Variants in KALRN observed in about 807,000 individuals in gnomAD.
The protein encoded by KALRN is kalirin.
KALRN carries 70 observed loss-of-function variants against 353.7 expected under a neutral mutation model. The ratio of observed to expected loss-of-function variants is 0.20; its 90% CI spans 0.16 to 0.24. The LOEUF is 0.24. Among genes scored for constraint, KALRN ranks in the 10% least tolerant of loss-of-function variants. The probability of loss-of-function intolerance (pLI) is 1.00; values close to 1 mark genes in which losing one functional copy is unlikely to be tolerated. For synonymous variants in KALRN, 1,391 were observed against 1,434.8 expected (o/e 0.97, Z 0.69); for missense variants, 2,791 against 3,756.7 (o/e 0.74, Z 6.72).
intron 33 of KALRN, among the ~76,000 whole-genome samples, chr3:124,504,353 G>C (rs958270266): frequency 3.3e-5 from 5 of 152,196 alleles, no homozygotes; most frequent in African/African-American, 1.2e-4. Flanking sequence ...GCAGACCTAA[G>C]ATTCAAAACC....
chr3:124,114,604 C>T (rs1397781053), intron 1 of KALRN, among the ~76,000 whole-genome samples: 1 of 152,210 alleles, frequency 6.6e-6, no homozygotes, highest in Admixed American at 6.5e-5. Flanking sequence ...GGTGTCCTCA[C>T]AGAGGGCACC....
chr3:124,038,637 G>A (rs533570376), intron 1 of KALRN, among the ~76,000 whole-genome samples: 31 of 152,194 alleles, frequency 2.0e-4, no homozygotes, highest in Non-Finnish European at 4.1e-4. Flanking sequence ...AATGAAAAGA[G>A]TGATGTGGAG....
At chr3:124,687,675 T>TTTTTTTTTTTTTTTTTTTTTTTTTGAG (rs1553732285) in intron 51 of KALRN, among the ~76,000 whole-genome samples, 1 of 151,294 alleles carries the variant, frequency 6.6e-6, no homozygotes. Flanking sequence ...GGAATTTTTT[T>TTTTTTTTTTTTTTTTTTTTTTTTTGAG]ACAAAAATTG....
At chr3:124,668,390 G>A (rs1409810369) in intron 47 of KALRN, among the ~76,000 whole-genome samples, 1 of 152,206 alleles carries the variant, frequency 6.6e-6, no homozygotes, top group Non-Finnish European at 1.5e-5. Context: ...GGCTGGTTTT[G>A]TGAAAAAGGG....
intron 34 of KALRN, among the ~76,000 whole-genome samples, chr3:124,607,538 T>G (rs915449083): frequency 6.6e-6 from 1 of 152,232 alleles, no homozygotes; most frequent in Admixed American, 6.5e-5. Context: ...GACATACTTT[T>G]TAAAGTAATA....
chr3:124,328,657 G>C (rs1196446450), intron 7 of KALRN, among the ~76,000 whole-genome samples: 1 of 152,202 alleles, frequency 6.6e-6, no homozygotes, highest in African/African-American at 2.4e-5. Context: ...AAAATGTACA[G>C]AATGAAGTCA....
chr3:124,218,778 T>C (rs1192896881), intron 1 of KALRN, among the ~76,000 whole-genome samples: 1 of 152,202 alleles, frequency 6.6e-6, no homozygotes, highest in Non-Finnish European at 1.5e-5. Flanking sequence ...CAAACTAATA[T>C]TAAATCTTGT....
chr3:124,392,788 T>A (rs988653723), intron 11 of KALRN, among the ~76,000 whole-genome samples: 11 of 144,848 alleles, frequency 7.6e-5, no homozygotes, highest in South Asian at 2.2e-4. Context: ...TATTTTTTTT[T>A]ATTTTTTTTT....
chr3:124,267,575 G>C (rs2073709822), intron 4 of KALRN, among the ~76,000 whole-genome samples: 1 of 152,172 alleles, frequency 6.6e-6, no homozygotes, highest in Non-Finnish European at 1.5e-5. Context: ...TTGAGCATTG[G>C]TATTTTTGCA....
At chr3:124,427,193 A>G (rs1178977510) in intron 15 of KALRN, among the ~76,000 whole-genome samples, 1 of 152,258 alleles carries the variant, frequency 6.6e-6, no homozygotes, top group Non-Finnish European at 1.5e-5. Flanking sequence ...CAGGACAAGT[A>G]CTATCCTTTT....
intron 21 of KALRN, 68 bp downstream of exon 21, chr3:124,446,953 T>C (rs2093860418): frequency 1.9e-6 from 3 of 1,573,592 alleles, no homozygotes; most frequent in Non-Finnish European, 1.7e-6. Context: ...TTTCACATTA[T>C]GGAAGCAAAG....
intron 34 of KALRN, among the ~76,000 whole-genome samples, chr3:124,615,621 A>G (rs747689080): frequency 1.2e-4 from 18 of 152,230 alleles, no homozygotes; most frequent in Non-Finnish European, 2.2e-4. Context: ...TAGTCGTGTA[A>G]CCTTTCTCTA....
At chr3:124,319,159 G>T (rs1021330425) in intron 6 of KALRN, among the ~76,000 whole-genome samples, 5 of 151,658 alleles carry the variant, frequency 3.3e-5, no homozygotes, top group African/African-American at 1.2e-4. Flanking sequence ...ATGTATTAAA[G>T]ATATATTAAA....
chr3:124,143,371 C>CT lies in KALRN; in HGVS notation c.74-84618dup, dbSNP rs1350039550. Among the ~76,000 whole-genome samples, 4 of 152,194 alleles carry CT rather than the reference C, an allele frequency of 2.6e-5. No homozygotes were observed. In the East Asian group the frequency reaches 7.7e-4, roughly 29 times the overall value. ...ATTGAGCCCAATGGGAAGTACCAGT[C>CT]TAATGGGGCTTTAGGGTTGGGAACA... On this transcript the variant is annotated intron_variant, in intron 1 of 59. Transcript: ENST00000682506.
At chr3:124,568,645 GATAC>G (rs1364006950) in intron 34 of KALRN, among the ~76,000 whole-genome samples, 3 of 152,132 alleles carry the variant, frequency 2.0e-5, no homozygotes, top group Admixed American at 1.3e-4. Flanking sequence ...CATACAATGG[GATAC>G]TCTTCAGCCT....
Position 124,714,085 on chromosome 3 carries a change from AAC to A in KALRN, c.8276+952_8276+953del, listed in dbSNP as rs572076942. On this transcript the variant is annotated intron_variant, in intron 58 of 59. Transcript: ENST00000682506. ...TTAAAATCAGCTGGAAAAAAAAAAAAACAGAGGGGACAAACCCCATGCTGCTA... is the reference window on the plus strand; with the variant it reads ...TTAAAATCAGCTGGAAAAAAAAAAAAAGAGGGGACAAACCCCATGCTGCTA... 9.4e-3 allele frequency among the ~76,000 whole-genome samples: 1,427 copies of A among 152,134 alleles called. 13 individuals carry two copies. Among genetic ancestry groups the A allele is most frequent in the Non-Finnish European group, 0.014 (954 of 67,980 alleles).
intron 25 of KALRN, among the ~76,000 whole-genome samples, chr3:124,473,146 A>T (rs939400810): frequency 6.6e-6 from 1 of 152,224 alleles, no homozygotes; most frequent in African/African-American, 2.4e-5. Context: ...ATGTCATTCT[A>T]TGTCACGGAA....
At chr3:124,349,520 A>T (rs1032251690) in intron 10 of KALRN, among the ~76,000 whole-genome samples, 1 of 152,126 alleles carries the variant, frequency 6.6e-6, no homozygotes, top group South Asian at 2.1e-4. Context: ...ACTTCTTCCA[A>T]TGTGGCCCAG....
intron 34 of KALRN, among the ~76,000 whole-genome samples, chr3:124,570,131 C>T (rs1179900411): frequency 6.6e-6 from 1 of 152,202 alleles, no homozygotes; most frequent in Non-Finnish European, 1.5e-5. Flanking sequence ...TCTTACTTTT[C>T]AGTATAATTC....
Sources: gnomAD v4.1 joint callset for allele counts (sites outside exome capture counted in the v4.1 genomes callset) on GRCh38, gnomAD v4.1.1 for gene constraint, MANE v1.5 for transcripts, NCBI Gene and HGNC (gene_info 2026-07-23, HGNC 2026-07-21) for gene names.